Variants in NRCAM observed in about 807,000 individuals in gnomAD.
NRCAM encodes neuronal cell adhesion molecule, also known as NgCAM-related cell adhesion molecule.
Under a neutral mutation model 156.5 loss-of-function variants are expected in NRCAM, and 83 were observed. That is an observed-to-expected ratio of 0.53 (90% CI 0.44 to 0.64). NRCAM has a LOEUF of 0.64. Among genes scored for constraint, NRCAM ranks in the 30% least tolerant of loss-of-function variants. NRCAM has a pLI of 0.00. For missense variants in NRCAM, 1,417 were observed against 1,597.3 expected (o/e 0.89, Z 1.92); for synonymous variants, 538 against 563.9 (o/e 0.95, Z 0.65).
intron 2 of NRCAM, among the ~76,000 whole-genome samples, chr7:108,376,664 A>G (rs1436167397): frequency 6.6e-6 from 1 of 152,052 alleles, no homozygotes. Context: ...TCTCTCTCCC[A>G]AGTAAGGCCC....
chr7:108,233,339 T>C (rs117738475), intron 6 of NRCAM, among the ~76,000 whole-genome samples: 2,963 of 152,286 alleles, frequency 0.019, 55 homozygotes, highest in Middle Eastern at 0.031. Flanking sequence ...CTTATCTTTA[T>C]AGCAGTTGTT....
chr7:108,366,978 GGATAAGT>G (rs541445493), intron 2 of NRCAM, among the ~76,000 whole-genome samples: 133 of 152,270 alleles, frequency 8.7e-4, no homozygotes, highest in African/African-American at 2.9e-3. Context: ...CTGTATCCAA[GGATAAGT>G]GAGAAGAAAC....
chr7:108,433,094 G>A (rs958012160), intron 1 of NRCAM, among the ~76,000 whole-genome samples: 1 of 152,150 alleles, frequency 6.6e-6, no homozygotes, highest in African/African-American at 2.4e-5. Context: ...GAGCAAGAGT[G>A]CAAATGGAGG....
chr7:108,213,027 T>C (rs1403309048), intron 11 of NRCAM, among the ~76,000 whole-genome samples: 2 of 152,092 alleles, frequency 1.3e-5, no homozygotes, highest in African/African-American at 4.8e-5. Context: ...GGAACACCTA[T>C]CAGATTAACA....
chr7:108,453,555 G>C (rs2154502381), intron 1 of NRCAM, among the ~76,000 whole-genome samples: 1 of 152,328 alleles, frequency 6.6e-6, no homozygotes, highest in South Asian at 2.1e-4. Context: ...TTACGAGGCT[G>C]AGCCCTATTG....
At chr7:108,248,792 G>A (rs2096137017) in intron 3 of NRCAM, among the ~76,000 whole-genome samples, 1 of 152,180 alleles carries the variant, frequency 6.6e-6, no homozygotes, top group African/African-American at 2.4e-5. Flanking sequence ...GAGAGTCTGG[G>A]AAATGCTGGG....
chr7:108,426,936 C>A (rs1486140368), intron 1 of NRCAM, among the ~76,000 whole-genome samples: 2 of 152,160 alleles, frequency 1.3e-5, no homozygotes, highest in Non-Finnish European at 2.9e-5. Context: ...TGTTATTGCT[C>A]CCCATTGTGC....
intron 2 of NRCAM, among the ~76,000 whole-genome samples, chr7:108,332,725 T>C (rs1336774107): frequency 2.6e-5 from 4 of 152,212 alleles, no homozygotes; most frequent in Non-Finnish European, 5.9e-5. Context: ...TGGCTACTAA[T>C]GTACATATCA....
At chr7:108,342,897 T>C (rs1322399489) in intron 2 of NRCAM, among the ~76,000 whole-genome samples, 3 of 152,232 alleles carry the variant, frequency 2.0e-5, no homozygotes, top group Non-Finnish European at 4.4e-5. Flanking sequence ...TACTTAAATA[T>C]CAGGCTCTAC....
Position 108,183,077 on chromosome 7 carries a change from T to C in NRCAM, c.2305-157A>G, listed in dbSNP as rs187622655. 9.2e-5 allele frequency among the ~76,000 whole-genome samples: 14 copies of C among 152,378 alleles called. No homozygotes were observed. The East Asian group carries it at 2.7e-3, about 29-fold the overall frequency. ...TTTTCTCCAGGGACCTTCTATCAATTGTGCATTTGCAATGAGATTCAAAGC... is the reference window on the plus strand; with the variant it reads ...TTTTCTCCAGGGACCTTCTATCAATCGTGCATTTGCAATGAGATTCAAAGC... On this transcript the variant is annotated intron_variant, in intron 22 of 32. Transcript: ENST00000379028.
At chr7:108,233,469 T>G (rs1312835450) in intron 6 of NRCAM, among the ~76,000 whole-genome samples, 2 of 152,156 alleles carry the variant, frequency 1.3e-5, no homozygotes, top group African/African-American at 4.8e-5. Context: ...AACAAAATAT[T>G]ATCTATCACA....
chr7:108,183,997 A>G (rs1372948200), intron 22 of NRCAM, among the ~76,000 whole-genome samples: 1 of 152,166 alleles, frequency 6.6e-6, no homozygotes, highest in Admixed American at 6.5e-5. Flanking sequence ...CAACTGGCCT[A>G]AGATCACAGA....
intron 3 of NRCAM, among the ~76,000 whole-genome samples, chr7:108,306,063 T>G (rs1436200383): frequency 1.3e-5 from 2 of 152,222 alleles, no homozygotes; most frequent in African/African-American, 2.4e-5. Context: ...TAGTGAATTT[T>G]GGGGTTAATT....
intron 1 of NRCAM, among the ~76,000 whole-genome samples, chr7:108,420,039 CGTGTGTGTGTGTGTGTGTGTGT>C (rs35840496): frequency 1.6e-4 from 24 of 146,746 alleles, no homozygotes; most frequent in Admixed American, 2.7e-4. Flanking sequence ...TTAGTTCCAT[CGTGTGTGTGTGTGTGTGTGTGT>C]GTGTGTGTGT....
At chr7:108,217,213 C>G (rs558918765) in intron 11 of NRCAM, among the ~76,000 whole-genome samples, 54 of 152,368 alleles carry the variant, frequency 3.5e-4, no homozygotes, top group African/African-American at 1.3e-3. Context: ...TGGAGGTCCA[C>G]TCCAGACACT....
chr7:108,157,187 A>T (rs1427028897), intron 32 of NRCAM, among the ~76,000 whole-genome samples: 1 of 152,168 alleles, frequency 6.6e-6, no homozygotes, highest in Non-Finnish European at 1.5e-5. Flanking sequence ...ATGTCATTAC[A>T]TGTATGACAA....
intron 2 of NRCAM, among the ~76,000 whole-genome samples, chr7:108,367,604 G>C (rs1197818281): frequency 6.6e-6 from 1 of 152,124 alleles, no homozygotes. Flanking sequence ...AAATGTGCTA[G>C]AATTTTTCAC....
chr7:108,340,037 C>A (rs1330058571), intron 2 of NRCAM, among the ~76,000 whole-genome samples: 1 of 152,114 alleles, frequency 6.6e-6, no homozygotes, highest in African/African-American at 2.4e-5. Flanking sequence ...GAGTGAAGTG[C>A]CATATGTACA....
intron 1 of NRCAM, among the ~76,000 whole-genome samples, chr7:108,417,502 T>C (rs758668465): frequency 5.9e-5 from 9 of 152,204 alleles, no homozygotes; most frequent in Non-Finnish European, 1.3e-4. Context: ...CACCTCTTCA[T>C]ACTGTTACAA....
Sources: allele counts gnomAD v4.1 joint callset (sites outside exome capture counted in the v4.1 genomes callset), GRCh38; gene constraint gnomAD v4.1.1; transcripts MANE v1.5; gene names NCBI Gene and HGNC (gene_info 2026-07-23, HGNC 2026-07-21).